The following TTC29 variants were observed in gnomAD, a reference collection of about 807,000 sequenced individuals.
The protein encoded by TTC29 is tetratricopeptide repeat domain 29.
In TTC29, 49 loss-of-function variants were observed where a neutral mutation model predicts 58.1. The observed-to-expected ratio is 0.84, with a 90% CI of 0.67 to 1.07. TTC29 has a LOEUF of 1.07. Ranked by LOEUF, TTC29 falls within the 50% of genes least tolerant of loss-of-function variation. The probability of loss-of-function intolerance (pLI) is 0.00; values close to 1 mark genes in which losing one functional copy is unlikely to be tolerated. For missense variants in TTC29, 582 were observed against 555.6 expected (o/e 1.05, Z -0.48); for synonymous variants, 209 against 196.8 (o/e 1.06, Z -0.52).
chr4:146,723,815 T>C (rs1006132099), intron 11 of TTC29, among the ~76,000 whole-genome samples: 19 of 152,202 alleles, frequency 1.2e-4, no homozygotes, highest in Non-Finnish European at 1.6e-4. Context: ...GGAAAGCAGT[T>C]TGGAGATTCC....
chr4:146,869,479 T>C (rs953557710), intron 7 of TTC29, among the ~76,000 whole-genome samples: 1 of 152,120 alleles, frequency 6.6e-6, no homozygotes, highest in African/African-American at 2.4e-5. Flanking sequence ...AGCTGGGCCC[T>C]AACTTTTTCT....
intron 6 of TTC29, among the ~76,000 whole-genome samples, chr4:146,891,876 T>C (rs1251298325): frequency 6.6e-6 from 1 of 152,134 alleles, no homozygotes; most frequent in African/African-American, 2.4e-5. Flanking sequence ...GCCTGGGATA[T>C]GGCTCAAGTG....
intron 11 of TTC29, among the ~76,000 whole-genome samples, chr4:146,708,308 T>TTATATATATATA (rs59963230): frequency 6.4e-5 from 4 of 62,218 alleles, no homozygotes; most frequent in South Asian, 5.8e-4. Context: ...TATGGGAAGT[T>TTATATATATATA]TATATATATA....
intron 10 of TTC29, among the ~76,000 whole-genome samples, chr4:146,804,059 T>C (rs1750427529): frequency 6.6e-6 from 1 of 152,156 alleles, no homozygotes; most frequent in Non-Finnish European, 1.5e-5. Flanking sequence ...GCTCATCTCT[T>C]TGGGAAGTGT....
chr4:146,905,982 A>G (rs1450517929), intron 5 of TTC29, among the ~76,000 whole-genome samples: 5 of 152,160 alleles, frequency 3.3e-5, no homozygotes, highest in Admixed American at 3.3e-4. Flanking sequence ...ACATTATTAG[A>G]AAAAAATTGC....
chr4:146,904,089 C>T (rs1270894947), intron 5 of TTC29, among the ~76,000 whole-genome samples: 1 of 152,056 alleles, frequency 6.6e-6, no homozygotes, highest in African/African-American at 2.4e-5. Context: ...AGTACTTTTC[C>T]CACTGGAGGT....
intron 10 of TTC29, among the ~76,000 whole-genome samples, chr4:146,806,268 T>C (rs1314863391): frequency 6.6e-6 from 1 of 152,148 alleles, no homozygotes; most frequent in East Asian, 1.9e-4. Flanking sequence ...CAGTACTAGC[T>C]ACTGCAAAAA....
chr4:146,753,805 C>CA (rs944974118), intron 11 of TTC29, among the ~76,000 whole-genome samples: 2 of 147,878 alleles, frequency 1.4e-5, no homozygotes, highest in Non-Finnish European at 1.5e-5. Context: ...ATTGCAAGGA[C>CA]AAAAAATCAG....
chr4:146,842,581 A>C (rs1190699924), intron 8 of TTC29, among the ~76,000 whole-genome samples: 1 of 152,148 alleles, frequency 6.6e-6, no homozygotes, highest in Non-Finnish European at 1.5e-5. Context: ...TAGATCAAAA[A>C]TTGTCTATAA....
chr4:146,833,937 C>A (rs750854671), intron 8 of TTC29, 40 bp from the exon 9 acceptor site: 16 of 1,306,778 alleles, frequency 1.2e-5, no homozygotes, highest in Admixed American at 2.0e-5. Flanking sequence ...TATAGCACAG[C>A]CAGATACGCT....
At chr4:146,905,671 A>G (rs1733476101) in intron 5 of TTC29, among the ~76,000 whole-genome samples, 1 of 152,306 alleles carries the variant, frequency 6.6e-6, no homozygotes, top group Non-Finnish European at 1.5e-5. Flanking sequence ...AGGTATATTC[A>G]GAAGATGAAA....
chr4:146,867,498 T>C lies in TTC29; in HGVS notation c.885A>G (p.Thr295=). Residue 295 remains threonine (T), a splice_region_variant and synonymous_variant, in exon 8 of 13, where the codon ACA becomes ACG. Coordinates refer to ENST00000325106, the MANE Select transcript of TTC29 (RefSeq NM_031956.4). ...LAAEEYETAL[T]VLDTYCKIST... ...GGCAGTGATTAAAAGTTTAGCTTACTGTTAATGCTGTTTCATATTCCTCAG... is the reference window on the plus strand; with the variant it reads ...GGCAGTGATTAAAAGTTTAGCTTACCGTTAATGCTGTTTCATATTCCTCAG... 1 of 1,471,662 alleles carries C rather than the reference T, an allele frequency of 6.8e-7. No homozygotes were observed. The highest frequency in any genetic ancestry group is 1.8e-4 in the Middle Eastern group (1 of 5,664). The allele number at this position is 1,471,662 out of a possible 1,614,324, so 91.2% of individuals were successfully genotyped here. A position where few individuals can be genotyped will look rare whatever the true frequency, so the allele number is the denominator to read the frequency against.
intron 10 of TTC29, among the ~76,000 whole-genome samples, chr4:146,819,086 C>G (rs1034069020): frequency 1.1e-4 from 16 of 149,660 alleles, no homozygotes; most frequent in Non-Finnish European, 2.2e-4. Context: ...GCACATGTAC[C>G]CTAAAACTTA....
chr4:146,841,682 C>G (rs1009974075), intron 8 of TTC29, among the ~76,000 whole-genome samples: 1 of 152,016 alleles, frequency 6.6e-6, no homozygotes, highest in Non-Finnish European at 1.5e-5. Flanking sequence ...GACTCCTACT[C>G]TGAAGACACA....
At chr4:146,716,202 G>A (rs1017946069) in intron 11 of TTC29, among the ~76,000 whole-genome samples, 1 of 152,070 alleles carries the variant, frequency 6.6e-6, no homozygotes, top group Non-Finnish European at 1.5e-5. Context: ...TGAATTCAAA[G>A]AAATGACCAT....
chr4:146,783,694 A>G (rs145374588), intron 11 of TTC29, among the ~76,000 whole-genome samples: 119 of 147,792 alleles, frequency 8.1e-4, no homozygotes, highest in African/African-American at 2.8e-3. Context: ...GTCTCAGGTG[A>G]AGGTAGACTA....
At chr4:146,708,357 C>CATGTATATATATATATATAT (rs1561047198) in intron 11 of TTC29, among the ~76,000 whole-genome samples, 800 of 16,824 alleles carry the variant, frequency 0.048, 51 homozygotes, top group African/African-American at 0.1. Context: ...TATATATATA[C>CATGTATATATATATATATAT]ACATGTATGT....
chr4:146,794,907 A>C (rs889756317), intron 11 of TTC29, among the ~76,000 whole-genome samples: 2 of 152,112 alleles, frequency 1.3e-5, no homozygotes, highest in Admixed American at 6.5e-5. Flanking sequence ...ATCTCACTAA[A>C]GTTTGAAATT....
chr4:146,855,688 T>C (rs1473590130), intron 8 of TTC29, among the ~76,000 whole-genome samples: 1 of 152,216 alleles, frequency 6.6e-6, no homozygotes, highest in Non-Finnish European at 1.5e-5. Context: ...CTAAATGCAA[T>C]ATTACTGTTA....
Sources: allele counts gnomAD v4.1 joint callset (sites outside exome capture counted in the v4.1 genomes callset), GRCh38; gene constraint gnomAD v4.1.1; transcripts MANE v1.5; gene names NCBI Gene and HGNC (gene_info 2026-07-23, HGNC 2026-07-21).